Variants in TOP3A observed in about 807,000 individuals in gnomAD.
TOP3A encodes the protein DNA topoisomerase III alpha.
Under a neutral mutation model 111.3 loss-of-function variants are expected in TOP3A, and 64 were observed. The observed-to-expected ratio is 0.57, with a 90% CI of 0.47 to 0.71. The LOEUF is 0.71. Among genes scored for constraint, TOP3A ranks in the 30% least tolerant of loss-of-function variants. The probability of loss-of-function intolerance (pLI) is 0.00; values close to 1 mark genes in which losing one functional copy is unlikely to be tolerated. For missense variants in TOP3A, 1,104 were observed against 1,285.0 expected (o/e 0.86, Z 2.15); for synonymous variants, 484 against 485.1 (o/e 1.00, Z 0.03).
chr17:18,302,541 A>T, intron 6 of TOP3A, 39 bp downstream of exon 6: 1 of 1,607,340 alleles, frequency 6.2e-7, no homozygotes, highest in South Asian at 1.1e-5. Flanking sequence ...ATAACACAAC[A>T]TTAATGTGGC....
chr17:18,286,070 C>T (rs535313150), intron 13 of TOP3A, among the ~76,000 whole-genome samples: 14 of 151,766 alleles, frequency 9.2e-5, no homozygotes, highest in Non-Finnish European at 5.9e-5. Flanking sequence ...TGTGGCGGCA[C>T]GCACCTGTAG....
rs778789729 is a variant in TOP3A at position 18,302,346 on chromosome 17, G to A, written c.732C>T (p.Cys244=). 19 of 1,612,886 alleles carry A rather than the reference G, an allele frequency of 1.2e-5. No individual in the cohort carries two copies. Among genetic ancestry groups the A allele is most frequent in the Admixed American group, 3.3e-5 (2 of 60,006 alleles). ...LAEQLISYGS[C]QFPTLGFVVE... is the part of the protein sequence containing the mutation. ...CCACAAAGCCCAGTGTGGGGAACTGGCAGCTGCCGTAACTGATGAGCTGCT... is the reference window on the plus strand; with the variant it reads ...CCACAAAGCCCAGTGTGGGGAACTGACAGCTGCCGTAACTGATGAGCTGCT... The change falls in exon 7 of 19, where the codon TGC becomes TGT. Residue 244 remains cysteine (C), a synonymous_variant. Transcript: ENST00000321105.
intron 8 of TOP3A, among the ~76,000 whole-genome samples, chr17:18,301,304 G>A (rs1190324821): frequency 3.9e-5 from 6 of 152,148 alleles, no homozygotes; most frequent in Admixed American, 1.3e-4. Flanking sequence ...CCTATGACCC[G>A]GGCCAGTCTT....
At chr17:18,278,393 A>G in intron 17 of TOP3A, 36 bp from the exon 18 acceptor site, 1 of 1,487,304 alleles carries the variant, frequency 6.7e-7, no homozygotes, top group South Asian at 1.4e-5. Flanking sequence ...AACATTAACA[A>G]CCAGATGCCA....
At chr17:18,290,135 G>A (rs753648116) in intron 13 of TOP3A, among the ~76,000 whole-genome samples, 2 of 152,218 alleles carry the variant, frequency 1.3e-5, no homozygotes, top group Non-Finnish European at 2.9e-5. Context: ...ACATGGGAAG[G>A]AGGCTCAGGG....
intron 18 of TOP3A, among the ~76,000 whole-genome samples, chr17:18,276,893 A>C (rs577358467): frequency 6.6e-6 from 1 of 152,172 alleles, no homozygotes; most frequent in East Asian, 1.9e-4. Flanking sequence ...TCATCTGAAG[A>C]AATGAGGCTG....
At position 18,282,656 on chromosome 17, in the gene TOP3A, G is replaced by C. The variant is rs761285458; in HGVS notation, c.2021+42C>G. 3 of 1,611,212 alleles carry C rather than the reference G, an allele frequency of 1.9e-6. No individual in the cohort carries two copies. In the Admixed American group the frequency reaches 5.0e-5, roughly 27 times the overall value. ...TTTCGAGCTACGGCTGACACCGCAG[G>C]TGCTGGGGAGCAGAGGTGGGGGCAG... is the stretch of plus-strand genomic sequence containing the variant. On this transcript the variant is annotated intron_variant, in intron 16 of 18. Transcript: ENST00000321105.
rs982642604 is a variant in TOP3A at position 18,290,918 on chromosome 17, C to T, written c.1391G>A (p.Arg464His). ...AATCATGAGGCCATGGGCCACAAAG[C>T]GTTCCTGAGCGATGTCGATCTCCAC... is the stretch of plus-strand genomic sequence containing the variant. ...TTVEIDIAQE[R>H]FVAHGLMILA... The change falls in exon 12 of 19, where the codon CGC becomes CAC. Residue 464 changes from arginine to histidine, a missense_variant. Coordinates refer to ENST00000321105, the MANE Select transcript of TOP3A (RefSeq NM_004618.5). The T allele has an allele frequency of 6.8e-6, 11 of 1,614,042 alleles. No homozygotes were observed. The highest frequency in any genetic ancestry group is 2.7e-5 in the African/African-American group (2 of 74,906).
Position 18,275,567 on chromosome 17 carries a change from T to TG in TOP3A, c.2828-588_2828-587insC, listed in dbSNP as rs1180119896. Among the ~76,000 whole-genome samples, 66 of 151,748 alleles carry TG rather than the reference T, an allele frequency of 4.3e-4. No individual in the cohort carries two copies. In the East Asian group the frequency reaches 0.01, roughly 23 times the overall value. On this transcript the variant is annotated intron_variant, in intron 18 of 18. Coordinates refer to ENST00000321105, the MANE Select transcript of TOP3A (RefSeq NM_004618.5). The stretch of plus-strand genomic sequence containing the variant: ...TTTAGTAGAGACGGGTTTCATCATG[T>TG]TAGCCAGGATGGTCTCGATCTCCTA...
intron 11 of TOP3A, among the ~76,000 whole-genome samples, chr17:18,291,710 T>C (rs1032753058): frequency 4.6e-5 from 7 of 152,160 alleles, no homozygotes; most frequent in African/African-American, 1.7e-4. Flanking sequence ...TTGTCTAAAA[T>C]GAACATGTAA....
chr17:18,314,302 A>C (rs1183165089), intron 1 of TOP3A, among the ~76,000 whole-genome samples: 1 of 152,184 alleles, frequency 6.6e-6, no homozygotes, highest in Non-Finnish European at 1.5e-5. Flanking sequence ...CTCACACAAG[A>C]CCCGAAGGGC....
In TOP3A at chr17:18,272,552, G is replaced by A. The variant is rs144858910; in HGVS notation, c.*2250C>T. 4.1e-4 allele frequency among the ~76,000 whole-genome samples: 63 copies of A among 152,292 alleles called. No individual in the cohort carries two copies. The highest frequency in any genetic ancestry group is 7.4e-4 in the Non-Finnish European group (50 of 68,020). On this transcript the variant is annotated 3_prime_UTR_variant, in exon 19 of 19. Coordinates refer to ENST00000321105, the MANE Select transcript of TOP3A (RefSeq NM_004618.5). The stretch of plus-strand genomic sequence containing the variant: ...TCCATCAACTGACAAATGGATAATC[G>A]TGTGGTATATTCATACAGTGGGCTA...
At chr17:18,288,967 T>A (rs1327697998) in intron 13 of TOP3A, among the ~76,000 whole-genome samples, 2 of 152,180 alleles carry the variant, frequency 1.3e-5, no homozygotes, top group Non-Finnish European at 2.9e-5. Context: ...GCTCAAGTGA[T>A]CCTCCCACCT....
intron 13 of TOP3A, among the ~76,000 whole-genome samples, chr17:18,288,144 T>TATATATATATATATAG: frequency 7.4e-6 from 1 of 135,802 alleles, no homozygotes; most frequent in Non-Finnish European, 1.6e-5. Flanking sequence ...TATATATATA[T>TATATATATATATATAG]ATATAAATTT....
intron 13 of TOP3A, among the ~76,000 whole-genome samples, chr17:18,286,485 C>CA (rs1193175965): frequency 2.0e-5 from 3 of 152,120 alleles, no homozygotes; most frequent in Non-Finnish European, 4.4e-5. Context: ...CACTGCATTC[C>CA]AGCCTGGGCA....
At position 18,314,956 on chromosome 17, in the gene TOP3A, GC is replaced by G. The variant is rs1982169358; in HGVS notation, c.-179del. ...GAGCCTTTCCCGTGCCGCAGCCGCC[GC>G]CTCAGCACCGAATCCAGTATCTTGG... On this transcript the variant is annotated 5_prime_UTR_variant, in exon 1 of 19. Transcript: ENST00000321105. 4.3e-6 allele frequency: 1 copy of G among 230,406 alleles called. No individual in the cohort carries two copies. The highest frequency in any genetic ancestry group is 1.1e-4 in the East Asian group (1 of 9,004). The allele number at this position is 230,406 out of a possible 1,614,324, so 14.3% of individuals were successfully genotyped here.
chr17:18,300,440 C>G (rs1396847645), intron 8 of TOP3A, among the ~76,000 whole-genome samples: 4 of 152,046 alleles, frequency 2.6e-5, no homozygotes, highest in African/African-American at 7.2e-5. Flanking sequence ...AGTTGGAGAC[C>G]TTTAATCTTA....
chr17:18,288,825 T>C (rs2142958047), intron 13 of TOP3A, among the ~76,000 whole-genome samples: 1 of 152,314 alleles, frequency 6.6e-6, no homozygotes, highest in African/African-American at 2.4e-5. Context: ...GTATTCAATG[T>C]GTTGGTTTGG....
intron 1 of TOP3A, chr17:18,312,858 T>A (rs902380577): frequency 6.3e-6 from 1 of 158,196 alleles, no homozygotes; most frequent in African/African-American, 2.4e-5. Flanking sequence ...GGCTCACGCC[T>A]GTAACCCTAA....
Sources: allele counts gnomAD v4.1 joint callset (sites outside exome capture counted in the v4.1 genomes callset), GRCh38; gene constraint gnomAD v4.1.1; transcripts MANE v1.5; gene names NCBI Gene and HGNC (gene_info 2026-07-23, HGNC 2026-07-21).